SDK1: variants seen among roughly 807,000 people sequenced by gnomAD.
The protein encoded by SDK1 is sidekick cell adhesion molecule 1, also known as protein sidekick-1.
A neutral mutation model predicts 245.5 loss-of-function variants in SDK1; 157 were observed. The observed-to-expected ratio is 0.64, with a 90% CI of 0.56 to 0.73. The LOEUF (loss-of-function observed/expected upper bound fraction) is 0.73, where lower values mean the gene tolerates loss of function less well. Ranked by LOEUF, SDK1 falls within the 30% of genes least tolerant of loss-of-function variation. SDK1 has a pLI of 0.00. For missense variants in SDK1, 3,583 were observed against 3,002.3 expected, an observed-to-expected ratio of 1.19 and a Z score of -4.52; for synonymous variants, 1,647 against 1,278.5, an observed-to-expected ratio of 1.29 and a Z score of -6.15.
chr7:3,871,247 G>C (rs1780948859), intron 5 of SDK1, among the ~76,000 whole-genome samples: 1 of 151,634 alleles, frequency 6.6e-6, no homozygotes, highest in Admixed American at 6.6e-5. Flanking sequence ...AATACAATTG[G>C]TCCTTACATA....
intron 1 of SDK1, among the ~76,000 whole-genome samples, chr7:3,547,316 T>G (rs1156409241): frequency 1.3e-5 from 2 of 152,164 alleles, no homozygotes. Flanking sequence ...CTAACTGTAT[T>G]GGTCAAAGCA....
chr7:3,668,042 T>C (rs1783590257), intron 4 of SDK1, among the ~76,000 whole-genome samples: 1 of 152,182 alleles, frequency 6.6e-6, no homozygotes, highest in Non-Finnish European at 1.5e-5. Context: ...CTCAGGGAAA[T>C]AATCAGAAAC....
rs77718704 is a variant in SDK1, at chr7:4,152,947, G to A, written c.4625+3484G>A. Among the ~76,000 whole-genome samples, 21 of 152,276 alleles carry A rather than the reference G, an allele frequency of 1.4e-4. 1 individual carries two copies. The South Asian group carries it at 2.1e-3, about 15-fold the overall frequency. On this transcript the variant is annotated intron_variant, in intron 30 of 44. Transcript: ENST00000404826. The stretch of plus-strand genomic sequence containing the variant: ...TGGTTGGTGGTTGAAGTTGTGAGAC[G>A]GGGTAGCCACCCACAGAAATGCAGT...
At chr7:3,598,111 T>C (rs548129244) in intron 1 of SDK1, among the ~76,000 whole-genome samples, 1 of 152,364 alleles carries the variant, frequency 6.6e-6, no homozygotes, top group Non-Finnish European at 1.5e-5. Context: ...TTGTTTGTAT[T>C]ATTCAATTTA....
chr7:4,070,598 C>G (rs950531083), intron 20 of SDK1, among the ~76,000 whole-genome samples: 13 of 152,320 alleles, frequency 8.5e-5, no homozygotes, highest in Middle Eastern at 3.4e-3. Flanking sequence ...AACCCCACCA[C>G]TACTCATCAG....
chr7:4,221,961 A>C (rs556409061), intron 40 of SDK1, among the ~76,000 whole-genome samples: 4 of 152,250 alleles, frequency 2.6e-5, no homozygotes, highest in African/African-American at 9.6e-5. Flanking sequence ...GTCGGATATG[A>C]CTGCTTGGAG....
chr7:3,431,043 G>C (rs573330217), intron 1 of SDK1, among the ~76,000 whole-genome samples: 1 of 152,256 alleles, frequency 6.6e-6, no homozygotes, highest in East Asian at 1.9e-4. Context: ...TGAGACTACA[G>C]GCACATGCTG....
intron 1 of SDK1, among the ~76,000 whole-genome samples, chr7:3,594,645 T>G (rs1337836861): frequency 1.3e-5 from 2 of 152,198 alleles, no homozygotes; most frequent in African/African-American, 4.8e-5. Flanking sequence ...CTGGGTGGTT[T>G]GGGTGGGTTA....
rs538293446 is a variant in SDK1, at chr7:3,564,291, A to G, written c.299-54789A>G. Among the ~76,000 whole-genome samples, 170 of 152,232 alleles carry G rather than the reference A, an allele frequency of 1.1e-3. 2 individuals carry two copies. The highest frequency in any genetic ancestry group is 4.0e-3 in the African/African-American group (166 of 41,552). Reference sequence around the variant, plus strand: ...TCAAAACTTGATTCTTTGAAAGATAAGATAGACCTCTGACAGACTCAAAAA... The same window carrying G: ...TCAAAACTTGATTCTTTGAAAGATAGGATAGACCTCTGACAGACTCAAAAA... On this transcript the variant is annotated intron_variant, in intron 1 of 44. Transcript: ENST00000404826.
At chr7:3,868,277 A>C (rs1780869945) in intron 5 of SDK1, among the ~76,000 whole-genome samples, 1 of 152,226 alleles carries the variant, frequency 6.6e-6, no homozygotes, top group South Asian at 2.1e-4. Context: ...TGTGCCGCTT[A>C]GTTTATTCCA....
At chr7:4,108,876 C>G (rs1269962802) in intron 22 of SDK1, among the ~76,000 whole-genome samples, 1 of 152,196 alleles carries the variant, frequency 6.6e-6, no homozygotes, top group Non-Finnish European at 1.5e-5. Flanking sequence ...TGCGTTCTGT[C>G]TCAATGGATG....
In SDK1 at chr7:4,268,925, AAAG is replaced by A. The variant is rs1788639309; in HGVS notation, c.*3544_*3546del. On this transcript the variant is annotated 3_prime_UTR_variant, in exon 45 of 45. Transcript: ENST00000404826. ...AAAAACAGATCTCATTAAAAGAAAA[AAAG>A]AAACAACTTGTAGGAAGACAGAGAG... The A allele has an allele frequency of 2.9e-6, 1 of 341,268 alleles. No homozygotes were observed. The highest frequency in any genetic ancestry group is 2.1e-5 in the African/African-American group (1 of 46,608). The allele number at this position is 341,268 out of a possible 1,614,324, so 21.1% of individuals were successfully genotyped here. A position where few individuals can be genotyped will look rare whatever the true frequency, so the allele number is the denominator to read the frequency against.
At chr7:4,146,636 G>A (rs1455086227) in intron 29 of SDK1, among the ~76,000 whole-genome samples, 3 of 152,224 alleles carry the variant, frequency 2.0e-5, no homozygotes, top group Admixed American at 6.5e-5. Flanking sequence ...TGAGCTCCCC[G>A]AAAGCAGCCC....
chr7:4,120,350 G>A lies in SDK1; in HGVS notation c.3823+6076G>A, dbSNP rs1031838588. The stretch of plus-strand genomic sequence containing the variant: ...TGCTACAACTGTAAAATGCCAAAGA[G>A]AAAAATCTTAAAAACAATTGGAGTG... On this transcript the variant is annotated intron_variant, in intron 25 of 44. Transcript: ENST00000404826. Among the ~76,000 whole-genome samples the A allele has an allele frequency of 2.9e-3, 438 of 148,756 alleles. 41 individuals carry two copies. The highest frequency in any genetic ancestry group is 1.2e-3 in the Non-Finnish European group (79 of 66,598).
At chr7:3,806,388 G>A (rs138268446) in intron 4 of SDK1, among the ~76,000 whole-genome samples, 1 of 150,542 alleles carries the variant, frequency 6.6e-6, no homozygotes, top group Non-Finnish European at 1.5e-5. Flanking sequence ...ATTAGGACGT[G>A]GATGTCCTTG....
At chr7:3,548,501 C>G (rs901181245) in intron 1 of SDK1, among the ~76,000 whole-genome samples, 4 of 152,084 alleles carry the variant, frequency 2.6e-5, no homozygotes, top group African/African-American at 9.7e-5. Flanking sequence ...TAACATTTGA[C>G]TTTTTATTTT....
chr7:3,624,099 A>C (rs866726149), intron 2 of SDK1, among the ~76,000 whole-genome samples: 5 of 152,244 alleles, frequency 3.3e-5, no homozygotes, highest in African/African-American at 7.2e-5. Flanking sequence ...GATGATACTT[A>C]TGTAGGAAAC....
chr7:4,076,390 C>T (rs1003412181), intron 20 of SDK1, among the ~76,000 whole-genome samples: 1 of 151,886 alleles, frequency 6.6e-6, no homozygotes, highest in South Asian at 2.1e-4. Context: ...CCCATCTCTC[C>T]AAAAAAATAC....
chr7:3,817,294 G>A (rs1415378180), intron 4 of SDK1, among the ~76,000 whole-genome samples: 1 of 152,146 alleles, frequency 6.6e-6, no homozygotes, highest in African/African-American at 2.4e-5. Flanking sequence ...TTGTTAAAGT[G>A]CCCCCTGTTA....
Sources: gnomAD v4.1 joint callset for allele counts (sites outside exome capture counted in the v4.1 genomes callset) on GRCh38, gnomAD v4.1.1 for gene constraint, MANE v1.5 for transcripts, NCBI Gene and HGNC (gene_info 2026-07-23, HGNC 2026-07-21) for gene names.